The following EP300 variants were observed in gnomAD, a reference collection of about 807,000 sequenced individuals.
EP300 encodes EP300 lysine acetyltransferase.
In EP300, 31 loss-of-function variants were observed where a neutral mutation model predicts 264.0. That is an observed-to-expected ratio of 0.12 (90% CI 0.09 to 0.16). EP300 has a LOEUF of 0.16. Ranked by LOEUF, EP300 falls within the 10% of genes least tolerant of loss-of-function variation. EP300 has a pLI of 1.00. For synonymous variants in EP300, 1,340 were observed against 1,045.4 expected (o/e 1.28, Z -5.44); for missense variants, 2,766 against 3,052.9 (o/e 0.91, Z 2.21).
intron 20 of EP300, 43 bp from the exon 21 acceptor site, chr22:41,162,680 A>G (rs1270570782): frequency 6.6e-7 from 1 of 1,513,034 alleles, no homozygotes; most frequent in Admixed American, 1.7e-5. Context: ...CAGATTGCTC[A>G]TCTCTATCAC....
rs773342339 is a variant in EP300, at chr22:41,117,697, G to T, written c.605G>T (p.Arg202Leu). 7 of 1,614,070 alleles carry T rather than the reference G, an allele frequency of 4.3e-6. No homozygotes were observed. The highest frequency in any genetic ancestry group is 1.3e-5 in the African/African-American group (1 of 74,924). The change falls in exon 2 of 31, where the codon CGA becomes CTA. Residue 202 changes from arginine (R) to leucine (L), a missense_variant. Coordinates refer to ENST00000263253, the MANE Select transcript of EP300 (RefSeq NM_001429.4). Reference sequence around the variant, plus strand: ...GGTTCAATTGGAGCAGGCCGAGGGCGACAGAATATGCAGTACCCAAACCCA... The same window carrying T: ...GGTTCAATTGGAGCAGGCCGAGGGCTACAGAATATGCAGTACCCAAACCCA... ...MNGSIGAGRG[R>L]QNMQYPNPGM...
At chr22:41,112,204 G>C (rs1046444030) in intron 1 of EP300, among the ~76,000 whole-genome samples, 3 of 137,154 alleles carry the variant, frequency 2.2e-5, no homozygotes, top group African/African-American at 8.3e-5. Flanking sequence ...TTTTTTATGT[G>C]TGTGTGAGAC....
At position 41,152,225 on chromosome 22, in the gene EP300, A is replaced by T. The variant is rs2145740649; in HGVS notation, c.3017A>T (p.Lys1006Ile). The change falls in exon 16 of 31, where the codon AAA becomes ATA. Residue 1006 changes from lysine (K) to isoleucine (I), a missense_variant. Physicochemically the swap from Lys to Ile is moderately radical, Grantham distance 102 (BLOSUM62 -3). Transcript: ENST00000263253. ...DISESKVEDC[K>I]MESTETEERS... ...TTTTAGTCTAAAGTGGAAGACTGTAAAATGGAATCTACCGAAACAGAAGAG... is the reference window on the plus strand; with the variant it reads ...TTTTAGTCTAAAGTGGAAGACTGTATAATGGAATCTACCGAAACAGAAGAG... The T allele has an allele frequency of 6.2e-7, 1 of 1,614,154 alleles. No homozygotes were observed. The highest frequency in any genetic ancestry group is 8.5e-7 in the Non-Finnish European group (1 of 1,180,002).
Position 41,137,866 on chromosome 22 carries a change from A to G in EP300, c.1760+76A>G, listed in dbSNP as rs2058960922. On this transcript the variant is annotated intron_variant, in intron 8 of 30. Transcript: ENST00000263253. ...ATGTTTTCAATCTCCTGGGCATTTA[A>G]TTACTAAAGGAATATTAGCAATTTT... The G allele has an allele frequency of 1.1e-5, 17 of 1,600,850 alleles. No homozygotes were observed. In the South Asian group the frequency reaches 1.8e-4, roughly 17 times the overall value.
chr22:41,110,733 A>G (rs573866711), intron 1 of EP300, among the ~76,000 whole-genome samples: 15 of 151,918 alleles, frequency 9.9e-5, no homozygotes, highest in Admixed American at 8.5e-4. Context: ...TCACACTTCC[A>G]GTGGTCCTTG....
chr22:41,168,850 C>T lies in EP300; in HGVS notation c.4155C>T (p.Cys1385=), dbSNP rs1181179827. The change falls in exon 25 of 31, where the codon TGC becomes TGT. Residue 1385 remains cysteine (C), a synonymous_variant. Transcript: ENST00000263253. ...ATGTTCAAGAGTATGGCTCTGACTGCCCTCCACCCAACCAGAGGTATGACT... is the reference window on the plus strand; with the variant it reads ...ATGTTCAAGAGTATGGCTCTGACTGTCCTCCACCCAACCAGAGGTATGACT... ...GMHVQEYGSD[C]PPPNQRRVYI... 7.4e-6 allele frequency: 12 copies of T among 1,614,074 alleles called. No individual in the cohort carries two copies. Among genetic ancestry groups the T allele is most frequent in the African/African-American group, 5.3e-5 (4 of 74,924 alleles).
rs756299783 is a variant in EP300 at position 41,177,795 on chromosome 22, T to A, written c.6084T>A (p.Ala2028=). Residue 2028 remains alanine (A), a synonymous_variant, in exon 31 of 31, where the codon GCT becomes GCA. Coordinates refer to ENST00000263253, the MANE Select transcript of EP300 (RefSeq NM_001429.4). ...AGCATGGTCAACCTTTGAACATGGC[T>A]CCACAACCAGGATTGGGCCAGGTAG... ...VAQHGQPLNM[A]PQPGLGQVGI... is the part of the protein sequence containing the mutation. 6 of 1,614,004 alleles carry A rather than the reference T, an allele frequency of 3.7e-6. No individual in the cohort carries two copies. The highest frequency in any genetic ancestry group is 4.2e-6 in the Non-Finnish European group (5 of 1,180,024).
intron 1 of EP300, among the ~76,000 whole-genome samples, chr22:41,098,141 C>T (rs921677486): frequency 1.3e-5 from 2 of 152,042 alleles, no homozygotes; most frequent in East Asian, 3.9e-4. Flanking sequence ...TAATGCTATC[C>T]CTCTCCCCTC....
intron 8 of EP300, among the ~76,000 whole-genome samples, chr22:41,138,517 C>T (rs755430426): frequency 1.1e-4 from 17 of 152,100 alleles, no homozygotes; most frequent in Non-Finnish European, 2.1e-4. Flanking sequence ...CTGGTCTTCT[C>T]GTCCTCCAGA....
At chr22:41,104,673 A>G (rs2145680938) in intron 1 of EP300, among the ~76,000 whole-genome samples, 2 of 152,262 alleles carry the variant, frequency 1.3e-5, no homozygotes, top group African/African-American at 4.8e-5. Context: ...AATTTTCTAA[A>G]CATGGCCCCA....
chr22:41,103,492 G>A (rs2145679593), intron 1 of EP300, among the ~76,000 whole-genome samples: 1 of 152,030 alleles, frequency 6.6e-6, no homozygotes, highest in Middle Eastern at 3.4e-3. Flanking sequence ...ATAAAGGCAG[G>A]GGATGGGTTG....
intron 1 of EP300, among the ~76,000 whole-genome samples, chr22:41,112,028 C>G (rs1255910605): frequency 1.3e-5 from 2 of 151,696 alleles, no homozygotes; most frequent in Non-Finnish European, 2.9e-5. Context: ...GCTGGGACTA[C>G]AGGCATCCGC....
At chr22:41,132,372 CT>C (rs1244204996) in intron 6 of EP300, among the ~76,000 whole-genome samples, 1 of 138,514 alleles carries the variant, frequency 7.2e-6, no homozygotes, top group Admixed American at 7.9e-5. Context: ...ACTGCAACCT[CT>C]GCCTCCCGGG....
chr22:41,156,469 C>T (rs898311812), intron 17 of EP300, among the ~76,000 whole-genome samples: 2 of 152,090 alleles, frequency 1.3e-5, no homozygotes, highest in African/African-American at 4.8e-5. Context: ...GCCTGTAATC[C>T]CAACACTTTT....
intron 1 of EP300, among the ~76,000 whole-genome samples, chr22:41,106,199 TAC>T (rs1170951958): frequency 6.6e-6 from 1 of 152,204 alleles, no homozygotes; most frequent in East Asian, 1.9e-4. Context: ...TTTTAAAAGC[TAC>T]AGTTTTAAAA....
intron 5 of EP300, 108 bp from the exon 6 acceptor site, chr22:41,131,280 G>C (rs1362649853): frequency 8.0e-7 from 1 of 1,249,300 alleles, no homozygotes; most frequent in African/African-American, 1.5e-5. Context: ...ATACTCAGAT[G>C]TTTCATAATC....
At chr22:41,154,559 A>C (rs935184570) in intron 16 of EP300, among the ~76,000 whole-genome samples, 4 of 151,688 alleles carry the variant, frequency 2.6e-5, no homozygotes, top group African/African-American at 9.7e-5. Context: ...TTATATTTTT[A>C]GTAGAGACGA....
In EP300 at chr22:41,177,362, C is replaced by T. The variant is rs1340670077; in HGVS notation, c.5651C>T (p.Pro1884Leu). The change falls in exon 31 of 31, where the codon CCA becomes CTA. Residue 1884 changes from proline to leucine, a missense_variant. By Grantham distance (98) the Pro-to-Leu change is moderately conservative. Transcript: ENST00000263253. ...CAGCCTACCCCTCCCAATAGCATGC[C>T]ACCCTACTTGCCCAGGACTCAAGCT... ...QPQPTPPNSMPPYLPRTQAAG... is the reference protein window; with the variant it reads ...QPQPTPPNSMLPYLPRTQAAG... The T allele has an allele frequency of 3.7e-6, 6 of 1,614,052 alleles. No individual in the cohort carries two copies. The highest frequency in any genetic ancestry group is 2.5e-6 in the Non-Finnish European group (3 of 1,180,006).
At chr22:41,119,212 G>A (rs1254885344) in intron 2 of EP300, among the ~76,000 whole-genome samples, 12 of 141,150 alleles carry the variant, frequency 8.5e-5, no homozygotes, top group African/African-American at 3.2e-4. Context: ...AAGAGATGGG[G>A]TCTCACTATG....
Sources: allele counts gnomAD v4.1 joint callset (sites outside exome capture counted in the v4.1 genomes callset), GRCh38; gene constraint gnomAD v4.1.1; transcripts MANE v1.5; gene names NCBI Gene and HGNC (gene_info 2026-07-23, HGNC 2026-07-21).